Variants in PIBF1 observed in about 807,000 individuals in gnomAD.
PIBF1 encodes progesterone immunomodulatory binding factor 1, also known as progesterone-induced-blocking factor 1.
In PIBF1, 90 loss-of-function variants were observed where a neutral mutation model predicts 112.5. The ratio of observed to expected loss-of-function variants is 0.80; its 90% CI spans 0.67 to 0.95. PIBF1 has a LOEUF of 0.95. Among genes scored for constraint, PIBF1 ranks in the 40% least tolerant of loss-of-function variants. The probability of loss-of-function intolerance (pLI) is 0.00; values close to 1 mark genes in which losing one functional copy is unlikely to be tolerated. For synonymous variants in PIBF1, 301 were observed against 288.6 expected, an observed-to-expected ratio of 1.04 and a Z score of -0.44; for missense variants, 915 against 852.3, an observed-to-expected ratio of 1.07 and a Z score of -0.92.
At chr13:72,861,140 A>T (rs1172241974) in intron 10 of PIBF1, among the ~76,000 whole-genome samples, 3 of 152,146 alleles carry the variant, frequency 2.0e-5, no homozygotes, top group Non-Finnish European at 4.4e-5. Flanking sequence ...TATTTAAAAA[A>T]ATATATTCTA....
intron 7 of PIBF1, 32 bp downstream of exon 7, chr13:72,827,150 A>G (rs780752191): frequency 1.9e-6 from 2 of 1,074,828 alleles, no homozygotes; most frequent in East Asian, 2.7e-5. Context: ...CTTATATTAT[A>G]TAGCATAGTA....
chr13:72,905,749 G>A (rs760734148), intron 11 of PIBF1, among the ~76,000 whole-genome samples: 26 of 152,094 alleles, frequency 1.7e-4, no homozygotes, highest in Non-Finnish European at 3.4e-4. Flanking sequence ...GTTTGCAAAG[G>A]ACTCTCATAG....
chr13:72,975,390 T>A (rs1384645108), intron 16 of PIBF1, among the ~76,000 whole-genome samples: 1 of 152,162 alleles, frequency 6.6e-6, no homozygotes, highest in East Asian at 1.9e-4. Context: ...CATTGGTTTA[T>A]GAGTATCCTG....
intron 9 of PIBF1, among the ~76,000 whole-genome samples, chr13:72,847,777 A>G (rs936561064): frequency 4.6e-5 from 7 of 152,164 alleles, no homozygotes; most frequent in South Asian, 2.1e-4. Context: ...TCAGTCATCT[A>G]TGATAAAGGT....
chr13:72,794,577 C>T (rs2035095505), intron 3 of PIBF1, among the ~76,000 whole-genome samples: 5 of 152,116 alleles, frequency 3.3e-5, no homozygotes, highest in Admixed American at 3.3e-4. Flanking sequence ...TGGAGGTGGT[C>T]TTTCCCATGC....
At chr13:72,971,755 T>G (rs1316602973) in intron 15 of PIBF1, among the ~76,000 whole-genome samples, 1 of 152,210 alleles carries the variant, frequency 6.6e-6, no homozygotes, top group Non-Finnish European at 1.5e-5. Context: ...GTATGTGTTA[T>G]GCTTTACAGC....
chr13:72,914,483 C>G (rs2041014552), intron 12 of PIBF1, among the ~76,000 whole-genome samples: 1 of 152,096 alleles, frequency 6.6e-6, no homozygotes, highest in East Asian at 1.9e-4. Context: ...TCAGAACTCC[C>G]TTCTCTTTGC....
chr13:73,002,011 C>CT (rs2043885487), intron 17 of PIBF1, among the ~76,000 whole-genome samples: 1 of 152,016 alleles, frequency 6.6e-6, no homozygotes, highest in African/African-American at 2.4e-5. Flanking sequence ...TCAAAATTCC[C>CT]TTTTTTAGAA....
intron 15 of PIBF1, 127 bp from the exon 16 acceptor site, chr13:72,973,464 T>G: frequency 1.9e-6 from 1 of 529,858 alleles, no homozygotes; most frequent in Non-Finnish European, 3.3e-6. Flanking sequence ...TCTGGAATAT[T>G]TATGGACTAT....
At chr13:72,928,588 T>G (rs1422905864) in intron 13 of PIBF1, among the ~76,000 whole-genome samples, 1 of 152,104 alleles carries the variant, frequency 6.6e-6, no homozygotes, top group African/African-American at 2.4e-5. Context: ...TACAGGCGCC[T>G]GCCACCACGC....
At position 72,902,934 on chromosome 13, in the gene PIBF1, C is replaced by T. The variant is rs186625186; in HGVS notation, c.1489-5597C>T. On this transcript the variant is annotated intron_variant, in intron 11 of 17. Coordinates refer to ENST00000326291, the MANE Select transcript of PIBF1 (RefSeq NM_006346.4). ...TTTTTTTGAGACAGTCTCACTCTGT[C>T]TCCCAGGCTGGAATGCAGTGTCACA... is the stretch of plus-strand genomic sequence containing the variant. Among the ~76,000 whole-genome samples the T allele has an allele frequency of 5.4e-3, 806 of 150,372 alleles. 15 individuals are homozygous for T. The highest frequency in any genetic ancestry group is 0.018 in the African/African-American group (754 of 40,950).
intron 16 of PIBF1, among the ~76,000 whole-genome samples, chr13:72,983,986 A>G (rs1437841347): frequency 1.2e-4 from 18 of 152,176 alleles, no homozygotes; most frequent in Admixed American, 1.2e-3. Flanking sequence ...TTTGTTGGAT[A>G]TAAATGAGTG....
At chr13:72,899,426 C>T (rs1418225759) in intron 11 of PIBF1, among the ~76,000 whole-genome samples, 3 of 152,094 alleles carry the variant, frequency 2.0e-5, no homozygotes, top group Non-Finnish European at 4.4e-5. Flanking sequence ...TAATCCATCA[C>T]GACCAAGTAG....
At chr13:72,803,952 G>GT in intron 5 of PIBF1, among the ~76,000 whole-genome samples, 1 of 152,056 alleles carries the variant, frequency 6.6e-6, no homozygotes, top group East Asian at 1.9e-4. Flanking sequence ...GAAGTTTTCT[G>GT]TTTTTTCTTC....
chr13:72,788,692 A>G (rs1160038798), intron 2 of PIBF1, among the ~76,000 whole-genome samples: 1 of 152,208 alleles, frequency 6.6e-6, no homozygotes, highest in African/African-American at 2.4e-5. Context: ...AACATTGTAT[A>G]GCATGACCAC....
At chr13:72,874,685 T>C (rs180911344) in intron 10 of PIBF1, among the ~76,000 whole-genome samples, 2 of 152,178 alleles carry the variant, frequency 1.3e-5, no homozygotes, top group African/African-American at 2.4e-5. Flanking sequence ...TTGAAACTTA[T>C]GAACTTGCAC....
chr13:72,865,545 A>G (rs996920795), intron 10 of PIBF1, among the ~76,000 whole-genome samples: 2 of 152,198 alleles, frequency 1.3e-5, no homozygotes, highest in Non-Finnish European at 2.9e-5. Flanking sequence ...TTGTTACTAT[A>G]ATTTTTACAC....
chr13:72,845,746 AATT>A (rs1349334173), intron 9 of PIBF1, among the ~76,000 whole-genome samples: 1 of 152,086 alleles, frequency 6.6e-6, no homozygotes, highest in Non-Finnish European at 1.5e-5. Flanking sequence ...GCATTTCTCT[AATT>A]ATCAGTGATG....
intron 14 of PIBF1, among the ~76,000 whole-genome samples, chr13:72,937,869 TA>T (rs1212904647): frequency 6.6e-6 from 1 of 152,078 alleles, no homozygotes; most frequent in African/African-American, 2.4e-5. Context: ...AGAGATATAA[TA>T]ATATGAGGGA....
Sources: allele counts gnomAD v4.1 joint callset (sites outside exome capture counted in the v4.1 genomes callset), GRCh38; gene constraint gnomAD v4.1.1; transcripts MANE v1.5; gene names NCBI Gene and HGNC (gene_info 2026-07-23, HGNC 2026-07-21).